NLRP2: variants seen among roughly 807,000 people sequenced by gnomAD.
NLRP2 encodes the protein NACHT, LRR and PYD domains-containing protein 2.
In NLRP2, 107 loss-of-function variants were observed where a neutral mutation model predicts 97.2. That is an observed-to-expected ratio of 1.10 (90% confidence interval 0.94 to 1.29). NLRP2 has a LOEUF of 1.29. NLRP2 is among the 50% of genes most tolerant of loss of function. The probability of loss-of-function intolerance (pLI) is 0.00; values close to 1 mark genes in which losing one functional copy is unlikely to be tolerated. For missense variants in NLRP2, 1,495 were observed against 1,330.3 expected (o/e 1.12, Z -1.93); for synonymous variants, 663 against 551.5 (o/e 1.20, Z -2.83).
chr19:54,991,784 G>A (rs558638863), intron 10 of NLRP2, among the ~76,000 whole-genome samples: 45 of 149,702 alleles, frequency 3.0e-4, no homozygotes, highest in Admixed American at 1.0e-3. Flanking sequence ...CAGGAGAATC[G>A]CTTGAAGTCG....
intron 4 of NLRP2, 75 bp from the exon 5 acceptor site, chr19:54,981,542 C>T (rs2071574200): frequency 4.1e-6 from 3 of 731,036 alleles, no homozygotes; most frequent in Non-Finnish European, 7.3e-6. Flanking sequence ...CAGCCTGCCT[C>T]CTTTTCTCTA....
At chr19:55,000,705 G>A in intron 12 of NLRP2, 55 bp from the exon 13 acceptor site, 1 of 1,594,784 alleles carries the variant, frequency 6.3e-7, no homozygotes, top group Non-Finnish European at 8.6e-7. Context: ...TTGGGAATTT[G>A]AAACAAATCT....
intron 3 of NLRP2, among the ~76,000 whole-genome samples, chr19:54,975,132 T>G (rs961188425): frequency 2.3e-4 from 10 of 43,868 alleles, no homozygotes; most frequent in East Asian, 7.9e-4. Context: ...TTTTTTTTTT[T>G]TTTTTTTTTT....
chr19:54,984,011 C>T lies in NLRP2; in HGVS notation c.2030+283C>T, dbSNP rs572785689. On this transcript the variant is annotated intron_variant, in intron 6 of 12. Coordinates refer to ENST00000448584, the MANE Select transcript of NLRP2 (RefSeq NM_017852.5). ...GACTACAGGCGCCTGCCACCTTGCC[C>T]GGCTAATTTTTATATTTTCATTAGA... Among the ~76,000 whole-genome samples the T allele has an allele frequency of 1.8e-4, 28 of 152,240 alleles. No individual in the cohort carries two copies. The East Asian group carries it at 2.3e-3, about 13-fold the overall frequency.
chr19:54,969,475 C>G (rs2070703932), intron 1 of NLRP2, among the ~76,000 whole-genome samples: 1 of 108,922 alleles, frequency 9.2e-6, no homozygotes, highest in African/African-American at 3.8e-5. Flanking sequence ...GAGACTCCGT[C>G]TCAAAAAAAA....
At chr19:54,979,317 C>T (rs1406891299) in intron 4 of NLRP2, among the ~76,000 whole-genome samples, 1 of 151,784 alleles carries the variant, frequency 6.6e-6, no homozygotes, top group African/African-American at 2.4e-5. Flanking sequence ...TTGCTTACTC[C>T]ACATTCCCTC....
chr19:54,985,003 G>T (rs890939877), intron 6 of NLRP2, 44 bp from the exon 7 acceptor site: 1 of 1,597,972 alleles, frequency 6.3e-7, no homozygotes, highest in African/African-American at 1.3e-5. Flanking sequence ...CTTCAGCCGT[G>T]ATGGACACAC....
At chr19:54,971,256 A>C (rs1479376049) in intron 2 of NLRP2, among the ~76,000 whole-genome samples, 1 of 149,524 alleles carries the variant, frequency 6.7e-6, no homozygotes, top group Non-Finnish European at 1.5e-5. Flanking sequence ...AGTCTTTGCT[A>C]TTGTGAATAA....
chr19:55,000,740 C>A lies in NLRP2; in HGVS notation c.3051-20C>A. The A allele has an allele frequency of 6.2e-7, 1 of 1,612,688 alleles. No individual in the cohort carries two copies. The highest frequency in any genetic ancestry group is 1.1e-5 in the South Asian group (1 of 91,014). ...TCCTTGATGCACAAAGTAACCTTTT[C>A]TTCCCCCATTGTACCCCAGGTTGAA... On this transcript the variant is annotated intron_variant, in intron 12 of 12. Transcript: ENST00000448584.
Position 54,997,337 on chromosome 19 carries a change from C to G in NLRP2, c.2900C>G (p.Pro967Arg). 1 of 1,613,880 alleles carries G rather than the reference C, an allele frequency of 6.2e-7. No homozygotes were observed. Among genetic ancestry groups the G allele is most frequent in the Non-Finnish European group, 8.5e-7 (1 of 1,180,026 alleles). ...CCCAGGTTGTGGGGATGTTCCATCC[C>G]TCCGTTCAGTTGTGAAGACCTCTGC... ...RCLWLWGCSI[P>R]PFSCEDLCSA... The change falls in exon 12 of 13, where the codon CCT becomes CGT. Residue 967 changes from proline to arginine, a missense_variant. Coordinates refer to ENST00000448584, the MANE Select transcript of NLRP2 (RefSeq NM_017852.5).
intron 10 of NLRP2, among the ~76,000 whole-genome samples, chr19:54,992,838 T>G (rs2072578221): frequency 6.6e-6 from 1 of 151,862 alleles, no homozygotes; most frequent in Non-Finnish European, 1.5e-5. Context: ...GGATTACAGG[T>G]GTGAGCCACC....
chr19:54,996,313 C>T (rs1027602763), intron 11 of NLRP2, among the ~76,000 whole-genome samples: 6 of 151,962 alleles, frequency 3.9e-5, no homozygotes, highest in African/African-American at 1.2e-4. Flanking sequence ...ACCAGCCTGT[C>T]TCTACTAAAG....
chr19:54,986,518 G>A (rs2072098514), intron 8 of NLRP2: 10 of 606,424 alleles, frequency 1.6e-5, no homozygotes, highest in Non-Finnish European at 2.6e-5. Flanking sequence ...CATACGTGAG[G>A]ACCCTGAATC....
intron 1 of NLRP2, among the ~76,000 whole-genome samples, chr19:54,969,142 T>C (rs1019341548): frequency 2.0e-5 from 3 of 152,118 alleles, no homozygotes; most frequent in Non-Finnish European, 4.4e-5. Flanking sequence ...TGAGAGAGTG[T>C]TTTCGCTTTA....
chr19:54,996,220 G>T (rs1419549286), intron 11 of NLRP2, among the ~76,000 whole-genome samples: 1 of 151,910 alleles, frequency 6.6e-6, no homozygotes, highest in African/African-American at 2.4e-5. Context: ...AAATAAAGTG[G>T]CAGGGTGCAG....
At chr19:54,985,320 C>T (rs1295087860) in intron 7 of NLRP2, 103 bp downstream of exon 7, 3 of 1,093,674 alleles carry the variant, frequency 2.7e-6, no homozygotes, top group Non-Finnish European at 4.2e-6. Context: ...CTCTTAAGTG[C>T]TCGAGACACA....
intron 11 of NLRP2, among the ~76,000 whole-genome samples, chr19:54,995,095 C>T (rs2072731865): frequency 1.3e-5 from 2 of 149,622 alleles, no homozygotes; most frequent in Admixed American, 6.7e-5. Context: ...GGGCGGATCA[C>T]TTAAGGTCAG....
rs1447643771 is a variant in NLRP2, at chr19:54,990,897, C to CA, written c.2708+225_2708+226insA. On this transcript the variant is annotated intron_variant, in intron 10 of 12. Transcript: ENST00000448584. ...GGATTTGGGGAATGTAGCTGGTTTT[C>CA]GGGTTTTTTTTTTCCTCTTTATGTA... 1.3e-4 allele frequency: 71 copies of CA among 556,650 alleles called. No homozygotes were observed. The Middle Eastern group carries it at 1.9e-3, about 15-fold the overall frequency. The allele number at this position is 556,650 out of a possible 1,614,324, so 34.5% of individuals were successfully genotyped here.
intron 10 of NLRP2, chr19:54,993,729 C>T (rs969488452): frequency 2.6e-5 from 6 of 227,284 alleles, no homozygotes; most frequent in Middle Eastern, 1.7e-3. Context: ...CATGTGTGTA[C>T]ACACACACAC....
Sources: allele counts gnomAD v4.1 joint callset (sites outside exome capture counted in the v4.1 genomes callset), GRCh38; gene constraint gnomAD v4.1.1; transcripts MANE v1.5; gene names NCBI Gene and HGNC (gene_info 2026-07-23, HGNC 2026-07-21).